RPL35: variants seen among roughly 807,000 people sequenced by gnomAD.
RPL35 encodes the protein ribosomal protein L35, also known as large ribosomal subunit protein uL29.
In RPL35, 2 loss-of-function variants were observed where a neutral mutation model predicts 15.6. The observed-to-expected ratio is 0.13, with a 90% CI of 0.05 to 0.40. The LOEUF is 0.40. RPL35 is among the 10% of genes least tolerant of loss of function. The probability of loss-of-function intolerance (pLI) is 0.99; values close to 1 mark genes in which losing one functional copy is unlikely to be tolerated. For missense variants in RPL35, 111 were observed against 164.7 expected, an observed-to-expected ratio of 0.67 and a Z score of 1.79; for synonymous variants, 93 against 67.9, an observed-to-expected ratio of 1.37 and a Z score of -1.82.
In RPL35 at chr9:124,857,964, C is replaced by A. The variant is rs28620639; in HGVS notation, c.326G>T (p.Arg109Leu). The A allele has an allele frequency of 8.7e-5, 140 of 1,612,152 alleles. No individual in the cohort carries two copies. The highest frequency in any genetic ancestry group is 2.4e-4 in the African/African-American group (18 of 74,886). The change falls in exon 4 of 4, where the codon CGG becomes CTG. Residue 109 changes from arginine to leucine, a missense_variant. Transcript: ENST00000348462. ...EENLKTKKQQ[R>L]KERLYPLRKY... ...CCGCAGCGGGTACAGCCGCTCCTTCCGCTGCTGCTTCTTGGTCTTCAGGTT... is the reference window on the plus strand; with the variant it reads ...CCGCAGCGGGTACAGCCGCTCCTTCAGCTGCTGCTTCTTGGTCTTCAGGTT...
chr9:124,861,933 C>T lies in RPL35; in HGVS notation c.-21G>A. On this transcript the variant is annotated 5_prime_UTR_variant, in exon 1 of 4. Coordinates refer to ENST00000348462, the MANE Select transcript of RPL35 (RefSeq NM_007209.4). ...ACCATTGCTGCACAAGCCGCCAACG[C>T]CGCCGCCCGCTCCGAGGGAAAGAGG... is the stretch of plus-strand genomic sequence containing the variant. The T allele has an allele frequency of 1.9e-6, 3 of 1,599,072 alleles. No individual in the cohort carries two copies. Among genetic ancestry groups the T allele is most frequent in the South Asian group, 1.1e-5 (1 of 89,178 alleles).
At chr9:124,860,120 G>C (rs1374727328) in intron 3 of RPL35, 63 bp downstream of exon 3, 2 of 1,231,508 alleles carry the variant, frequency 1.6e-6, no homozygotes, top group Non-Finnish European at 2.4e-6. Context: ...CCATGTCCCC[G>C]GCCAGGGACG....
At chr9:124,861,323 C>A in intron 2 of RPL35, 96 bp downstream of exon 2, 3 of 1,470,596 alleles carry the variant, frequency 2.0e-6, no homozygotes, top group Non-Finnish European at 2.8e-6. Context: ...GGCATCTAAG[C>A]GGCCAGCTCC....
chr9:124,858,141 G>C, intron 3 of RPL35, 74 bp from the exon 4 acceptor site: 2 of 1,526,374 alleles, frequency 1.3e-6, no homozygotes, highest in Non-Finnish European at 8.9e-7. Flanking sequence ...GGGGGCTGGG[G>C]AGGGCCATCC....
intron 2 of RPL35, 152 bp from the exon 3 acceptor site, chr9:124,860,416 G>A (rs1829178613): frequency 1.5e-6 from 1 of 680,964 alleles, no homozygotes; most frequent in Middle Eastern, 2.4e-4. Flanking sequence ...GAGGTCTGAG[G>A]AGGGAAGAGA....
At position 124,860,219 on chromosome 9, in the gene RPL35, G is replaced by A. The variant is rs200131422; in HGVS notation, c.186C>T (p.Asn62=). The A allele has an allele frequency of 6.2e-7, 1 of 1,614,126 alleles. No individual in the cohort carries two copies. The highest frequency in any genetic ancestry group is 1.3e-5 in the African/African-American group (1 of 75,056). The change falls in exon 3 of 4, where the codon AAC becomes AAT. Residue 62 remains asparagine (N), a synonymous_variant. Transcript: ENST00000348462. ...TCCTGAGGTTTTCTTTCTGAGTCTG[G>A]TTAATAACTGTGAGAACACGGGCAA... ...KSIARVLTVI[N]QTQKENLRKF...
At chr9:124,861,839 C>G (rs1829203199) in intron 1 of RPL35, 71 bp downstream of exon 1, 5 of 1,574,166 alleles carry the variant, frequency 3.2e-6, no homozygotes, top group Non-Finnish European at 4.3e-6. Flanking sequence ...TCCGCGGGCT[C>G]AGCCCGCACC....
chr9:124,860,685 G>A (rs533610187), intron 2 of RPL35, among the ~76,000 whole-genome samples: 14 of 152,128 alleles, frequency 9.2e-5, no homozygotes, highest in Non-Finnish European at 1.9e-4. Context: ...AGCAAACAAC[G>A]AGCCAGGGAG....
chr9:124,858,652 C>A, intron 3 of RPL35: 1 of 628,830 alleles, frequency 1.6e-6, no homozygotes, highest in Non-Finnish European at 2.9e-6. Context: ...GTCTTTCCAT[C>A]CTTGGCTCCC....
intron 1 of RPL35, 127 bp from the exon 2 acceptor site, chr9:124,861,682 C>G: frequency 7.0e-7 from 1 of 1,427,744 alleles, no homozygotes; most frequent in Non-Finnish European, 9.5e-7. Flanking sequence ...AACCAGGGCT[C>G]AGGACAGTCT....
chr9:124,861,435 A>T lies in RPL35; in HGVS notation c.124T>A (p.Ser42Thr), dbSNP rs1400157434. 2.5e-6 allele frequency: 4 copies of T among 1,613,166 alleles called. No homozygotes were observed. The African/African-American group carries it at 5.3e-5, about 22-fold the overall frequency. Residue 42 changes from serine (S) to threonine (T), a missense_variant, in exon 2 of 4, where the codon TCC (serine) becomes ACC (threonine). Coordinates refer to ENST00000348462, the MANE Select transcript of RPL35 (RefSeq NM_007209.4). ...CTCACTTACATCTTAGAGAGCTTGG[A>T]GGCCGCACCGCCTGTCACTTTGGCG... ...RVAKVTGGAA[S>T]KLSKIRVVRK...
rs773042645 is a variant in RPL35, at chr9:124,858,079, A to G, written c.223-12T>C. 1.2e-6 allele frequency: 2 copies of G among 1,611,110 alleles called. No individual in the cohort carries two copies. The highest frequency in any genetic ancestry group is 1.7e-6 in the Non-Finnish European group (2 of 1,179,474). The stretch of plus-strand genomic sequence containing the variant: ...TTGTACTTCTTGCCCTGGGAGACAG[A>G]CGGCAGGGTGAATCCAAGGACCCAG... On this transcript the variant is annotated splice_polypyrimidine_tract_variant and intron_variant, in intron 3 of 3. Coordinates refer to ENST00000348462, the MANE Select transcript of RPL35 (RefSeq NM_007209.4).
At chr9:124,858,375 A>G (rs1392385507) in intron 3 of RPL35, 1 of 649,132 alleles carries the variant, frequency 1.5e-6, no homozygotes. Context: ...CCACTGCCCG[A>G]TTCCCAGTCA....
intron 3 of RPL35, chr9:124,858,420 C>A (rs140015336): frequency 1.4e-6 from 1 of 707,176 alleles, no homozygotes; most frequent in Non-Finnish European, 2.6e-6. Flanking sequence ...GTACAGGGCA[C>A]GCAGCACCCA....
At chr9:124,861,655 G>A in intron 1 of RPL35, 100 bp from the exon 2 acceptor site, 5 of 1,505,776 alleles carry the variant, frequency 3.3e-6, no homozygotes, top group East Asian at 4.6e-5. Flanking sequence ...CATCGACTAC[G>A]AGTGCGCCGG....
In RPL35 at chr9:124,858,109, G is replaced by A. The variant is rs1333137796; in HGVS notation, c.223-42C>T. The A allele has an allele frequency of 3.1e-6, 5 of 1,597,356 alleles. No homozygotes were observed. In the Admixed American group the frequency reaches 6.9e-5, roughly 22 times the overall value. ...AGGGTGAATCCAAGGACCCAGGGCT[G>A]AGGAGCTACTGCAGCAGCTAAGGGG... On this transcript the variant is annotated intron_variant, in intron 3 of 3. Coordinates refer to ENST00000348462, the MANE Select transcript of RPL35 (RefSeq NM_007209.4).
Position 124,861,464 on chromosome 9 carries a change from C to T in RPL35, c.95G>A (p.Arg32His), listed in dbSNP as rs1829195491. The T allele has an allele frequency of 6.2e-7, 1 of 1,613,844 alleles. No homozygotes were observed. The highest frequency in any genetic ancestry group is 1.7e-5 in the Admixed American group (1 of 59,992). Reference protein sequence around the residue: ...DDLKVELSQLRVAKVTGGAAS... With the variant: ...DDLKVELSQLHVAKVTGGAAS... Reference sequence around the variant, plus strand: ...CGCACCGCCTGTCACTTTGGCGACGCGCAGCTGGGACAGCTCCACCTTCAG... The same window carrying T: ...CGCACCGCCTGTCACTTTGGCGACGTGCAGCTGGGACAGCTCCACCTTCAG... The change falls in exon 2 of 4, where the codon CGC becomes CAC. Residue 32 changes from arginine (R) to histidine (H), a missense_variant. Coordinates refer to ENST00000348462, the MANE Select transcript of RPL35 (RefSeq NM_007209.4).
intron 3 of RPL35, chr9:124,858,614 G>C: frequency 1.5e-6 from 1 of 667,204 alleles, no homozygotes; most frequent in East Asian, 2.7e-5. Context: ...TGGGGCCCCT[G>C]CCCACAGCTG....
intron 3 of RPL35, 119 bp downstream of exon 3, chr9:124,860,064 G>T: frequency 1.3e-6 from 1 of 741,724 alleles, no homozygotes. Context: ...CAACAAATTG[G>T]GAAGGCTAAC....
Sources: allele counts gnomAD v4.1 joint callset (sites outside exome capture counted in the v4.1 genomes callset), GRCh38; gene constraint gnomAD v4.1.1; transcripts MANE v1.5; gene names NCBI Gene and HGNC (gene_info 2026-07-23, HGNC 2026-07-21).